MAEA: variants seen among roughly 807,000 people sequenced by gnomAD.
MAEA encodes the protein macrophage erythroblast attacher, E3 ubiquitin ligase, also known as E3 ubiquitin-protein transferase MAEA.
MAEA carries 22 observed loss-of-function variants against 46.2 expected under a neutral mutation model. That is an observed-to-expected ratio of 0.48 (90% CI 0.34 to 0.68). The LOEUF (loss-of-function observed/expected upper bound fraction) is 0.68, where lower values mean the gene tolerates loss of function less well. MAEA is among the 30% of genes least tolerant of loss of function. The pLI, the probability that MAEA is intolerant of heterozygous loss-of-function variation, is 0.01. For missense variants in MAEA, 393 were observed against 558.1 expected (o/e 0.70, Z 2.98); for synonymous variants, 246 against 222.6 (o/e 1.11, Z -0.94).
At chr4:1,293,631 C>T (rs1025304934) in intron 1 of MAEA, among the ~76,000 whole-genome samples, 5 of 152,216 alleles carry the variant, frequency 3.3e-5, no homozygotes, top group Non-Finnish European at 7.3e-5. Flanking sequence ...CTGGGCCCAC[C>T]TCTCCTCTCC....
At chr4:1,335,367 AGTGT>A in intron 6 of MAEA, 2 of 985,514 alleles carry the variant, frequency 2.0e-6, no homozygotes, top group Non-Finnish European at 2.4e-6. Flanking sequence ...TTCACAAGTG[AGTGT>A]AGCAGAGTTA....
chr4:1,328,611 C>T (rs752591320), intron 5 of MAEA: 87 of 1,226,898 alleles, frequency 7.1e-5, no homozygotes, highest in Admixed American at 2.9e-4. Context: ...GAAACCCGAC[C>T]GCGACTCCAT....
At chr4:1,318,923 C>T (rs2108941579) in intron 3 of MAEA, among the ~76,000 whole-genome samples, 1 of 152,168 alleles carries the variant, frequency 6.6e-6, no homozygotes, top group East Asian at 1.9e-4. Flanking sequence ...AAGGGAAGGC[C>T]ACCCAGGAAC....
At chr4:1,312,620 G>C (rs1736659169) in intron 2 of MAEA, 1 of 168,758 alleles carries the variant, frequency 5.9e-6, no homozygotes, top group South Asian at 1.3e-4. Context: ...AGTAGAGACA[G>C]GGTTTCACCA....
In MAEA at chr4:1,334,175, TG is replaced by T. The variant is rs1712424733; in HGVS notation, c.765+1311del. ...CTGCATCCACCCCCATGCCCACCCCTGTGCTCATCACACTGGGAACAGTTTC... is the reference window on the plus strand; with the variant it reads ...CTGCATCCACCCCCATGCCCACCCCTTGCTCATCACACTGGGAACAGTTTC... On this transcript the variant is annotated intron_variant, in intron 6 of 8. Transcript: ENST00000303400. Among the ~76,000 whole-genome samples the T allele has an allele frequency of 4.0e-5, 2 of 50,200 alleles. 1 individual carries two copies. Among genetic ancestry groups the T allele is most frequent in the African/African-American group, 1.2e-4 (2 of 16,530 alleles). The allele number at this position is 50,200 out of a possible 152,430, so 32.9% of individuals were successfully genotyped here. A position where few individuals can be genotyped will look rare whatever the true frequency, so the allele number is the denominator to read the frequency against.
chr4:1,303,463 C>T (rs1032069834), intron 1 of MAEA, among the ~76,000 whole-genome samples: 1 of 151,270 alleles, frequency 6.6e-6, no homozygotes, highest in African/African-American at 2.4e-5. Flanking sequence ...TTGTGAATTC[C>T]TAAACAAATA....
chr4:1,328,836 A>G, intron 5 of MAEA: 5 of 1,042,914 alleles, frequency 4.8e-6, no homozygotes, highest in Non-Finnish European at 5.8e-6. Context: ...CCTCGTCTTC[A>G]CGCACGAGGG....
At chr4:1,302,118 A>G (rs1214984263) in intron 1 of MAEA, among the ~76,000 whole-genome samples, 4 of 151,494 alleles carry the variant, frequency 2.6e-5, no homozygotes, top group Admixed American at 6.6e-5. Context: ...TTAGAAAACT[A>G]AGAAAATCTA....
At chr4:1,293,304 A>G (rs1734299642) in intron 1 of MAEA, among the ~76,000 whole-genome samples, 1 of 151,932 alleles carries the variant, frequency 6.6e-6, no homozygotes, top group African/African-American at 2.4e-5. Context: ...AGGCGAGAGG[A>G]TCACTTGAGC....
At chr4:1,334,886 G>A in intron 6 of MAEA, 1 of 985,424 alleles carries the variant, frequency 1.0e-6, no homozygotes, top group African/African-American at 1.7e-5. Flanking sequence ...TGTAGACTTT[G>A]ATTTTTAGAC....
intron 2 of MAEA, 117 bp from the exon 3 acceptor site, chr4:1,315,280 C>T (rs77610549): frequency 0.042 from 40,900 of 969,832 alleles, 1,028 homozygotes; most frequent in Non-Finnish European, 0.049. Flanking sequence ...TTTTTTCTGT[C>T]CCGTAATCCC....
chr4:1,315,274 T>C (rs1736982239), intron 2 of MAEA, 123 bp from the exon 3 acceptor site: 1 of 920,470 alleles, frequency 1.1e-6, no homozygotes, highest in South Asian at 1.6e-5. Context: ...ACGGTTTTTT[T>C]TCTGTCCCGT....
chr4:1,332,938 C>A (rs1366639790), intron 6 of MAEA, 73 bp downstream of exon 6: 1 of 1,170,926 alleles, frequency 8.5e-7, no homozygotes, highest in Non-Finnish European at 1.2e-6. Flanking sequence ...TCTGTAGCTG[C>A]TTCCACACGT....
chr4:1,314,811 T>G (rs556508087), intron 2 of MAEA, among the ~76,000 whole-genome samples: 69 of 152,282 alleles, frequency 4.5e-4, no homozygotes, highest in African/African-American at 1.6e-3. Context: ...GAAGCCAAAA[T>G]TGGTAGAATG....
intron 8 of MAEA, 84 bp downstream of exon 8, chr4:1,338,701 CAGG>C (rs1336272622): frequency 1.5e-6 from 2 of 1,327,364 alleles, no homozygotes; most frequent in Non-Finnish European, 2.1e-6. Context: ...GCAGGGGGGC[CAGG>C]CTGGCACGCA....
chr4:1,316,536 C>T (rs1211583799), intron 3 of MAEA, among the ~76,000 whole-genome samples: 1 of 152,112 alleles, frequency 6.6e-6, no homozygotes, highest in Non-Finnish European at 1.5e-5. Flanking sequence ...GTCCCGGGCC[C>T]AGCCTCCCCA....
At chr4:1,336,132 A>G (rs1051119096) in intron 6 of MAEA, among the ~76,000 whole-genome samples, 10 of 152,040 alleles carry the variant, frequency 6.6e-5, no homozygotes, top group African/African-American at 2.2e-4. Context: ...ATCCCGCAGC[A>G]TGTTGAAATC....
chr4:1,303,399 C>CAAAAAAA (rs575075038), intron 1 of MAEA, among the ~76,000 whole-genome samples: 18,476 of 116,180 alleles, frequency 0.16, 2,128 homozygotes, highest in African/African-American at 0.19. Context: ...GACTCTGTCT[C>CAAAAAAA]AAAAAAAAAA....
At chr4:1,290,004 G>A in intron 1 of MAEA, 22 bp downstream of exon 1, 3 of 1,565,886 alleles carry the variant, frequency 1.9e-6, no homozygotes, top group Non-Finnish European at 2.6e-6. Context: ...CGCCGCGCAG[G>A]CTGAGGGCAG....
Sources: gnomAD v4.1 joint callset for allele counts (sites outside exome capture counted in the v4.1 genomes callset) on GRCh38, gnomAD v4.1.1 for gene constraint, MANE v1.5 for transcripts, NCBI Gene and HGNC (gene_info 2026-07-23, HGNC 2026-07-21) for gene names.